Variants in KCNG3 observed in about 807,000 individuals in gnomAD.
KCNG3 encodes the protein potassium voltage-gated channel modifier subfamily G member 3.
Under a neutral mutation model 29.0 loss-of-function variants are expected in KCNG3, and 15 were observed. That is an observed-to-expected ratio of 0.52 (90% CI 0.35 to 0.80). The LOEUF (loss-of-function observed/expected upper bound fraction) is 0.80. Ranked by LOEUF, KCNG3 falls within the 30% of genes least tolerant of loss-of-function variation. KCNG3 has a pLI of 0.01. For synonymous variants in KCNG3, 322 were observed against 248.9 expected (o/e 1.29, Z -2.76); for missense variants, 512 against 605.7 (o/e 0.85, Z 1.62).
chr2:42,480,148 T>C (rs1558387837), intron 1 of KCNG3, among the ~76,000 whole-genome samples: 1 of 152,246 alleles, frequency 6.6e-6, no homozygotes, highest in Non-Finnish European at 1.5e-5. Context: ...GTTCTAATTA[T>C]TGTTTAGTAC....
chr2:42,430,230 T>C, the KCNG3 span, among the ~76,000 whole-genome samples: 2 of 151,354 alleles, frequency 1.3e-5, no homozygotes, highest in African/African-American at 2.4e-5. Flanking sequence ...TAGCTGAGCA[T>C]CATGGTGCAC....
chr2:42,488,703 C>T (rs185278012), intron 1 of KCNG3, among the ~76,000 whole-genome samples: 1 of 152,056 alleles, frequency 6.6e-6, no homozygotes, highest in East Asian at 1.9e-4. Flanking sequence ...TCACCCACCA[C>T]CACGCTCAGC....
chr2:42,469,625 AAAGTT>A (rs1269180596), intron 1 of KCNG3, among the ~76,000 whole-genome samples: 1 of 152,082 alleles, frequency 6.6e-6, no homozygotes, highest in African/African-American at 2.4e-5. Flanking sequence ...TTGAAATGTA[AAAGTT>A]AAGTAAATTA....
intron 1 of KCNG3, among the ~76,000 whole-genome samples, chr2:42,464,971 C>T (rs1238437336): frequency 2.0e-5 from 3 of 151,988 alleles, no homozygotes; most frequent in African/African-American, 4.8e-5. Context: ...CCAGAAAATA[C>T]GTTGCTTGAC....
chr2:42,491,560 G>A (rs530309735), intron 1 of KCNG3, among the ~76,000 whole-genome samples: 1 of 152,000 alleles, frequency 6.6e-6, no homozygotes, highest in South Asian at 2.1e-4. Context: ...TATTGTTGGA[G>A]AACCAAATAA....
At chr2:42,479,326 A>C (rs1441931008) in intron 1 of KCNG3, among the ~76,000 whole-genome samples, 4 of 152,160 alleles carry the variant, frequency 2.6e-5, no homozygotes, top group Middle Eastern at 3.2e-3. Flanking sequence ...TCCAAGGTGG[A>C]GCTCAAGCAT....
chr2:42,433,607 C>T, the KCNG3 span, among the ~76,000 whole-genome samples: 8 of 152,190 alleles, frequency 5.3e-5, no homozygotes, highest in East Asian at 7.7e-4. Flanking sequence ...GGCGTGGTAG[C>T]GCACCCCTGT....
chr2:42,437,560 C>T (rs1200469561), downstream of KCNG3, among the ~76,000 whole-genome samples: 1 of 152,108 alleles, frequency 6.6e-6, no homozygotes, highest in Admixed American at 6.5e-5. Flanking sequence ...CATTTTACTT[C>T]AGAGTGTATA....
rs564466098 is a variant in KCNG3 at position 42,493,083 on chromosome 2, G to T, written c.419C>A (p.Ala140Glu). The T allele has an allele frequency of 1.3e-6, 2 of 1,559,518 alleles. No individual in the cohort carries two copies. The highest frequency in any genetic ancestry group is 2.4e-5 in the East Asian group (1 of 42,096). Reference protein sequence around the residue: ...DEPGVLGRDEARPGGAEAAPS... With the variant: ...DEPGVLGRDEERPGGAEAAPS... ...AGCCGCCTCGGCCCCGCCGGGGCGC[G>T]CCTCGTCGCGGCCCAGCACGCCCGG... Residue 140 changes from alanine to glutamate, a missense_variant, in exon 1 of 2, where the codon GCG becomes GAG. Coordinates refer to ENST00000306078, the MANE Select transcript of KCNG3 (RefSeq NM_133329.6).
intron 1 of KCNG3, among the ~76,000 whole-genome samples, chr2:42,480,755 TC>T (rs1673561427): frequency 8.6e-6 from 1 of 116,318 alleles, no homozygotes; most frequent in Non-Finnish European, 1.7e-5. Flanking sequence ...TGAAACCCCA[TC>T]TTAAAAAAAA....
chr2:42,446,030 G>A (rs1245996964), intron 1 of KCNG3, among the ~76,000 whole-genome samples: 3 of 151,580 alleles, frequency 2.0e-5, no homozygotes, highest in African/African-American at 7.3e-5. Context: ...CCCAGCCAAC[G>A]GGTAGGATTC....
intron 1 of KCNG3, among the ~76,000 whole-genome samples, chr2:42,473,950 G>A (rs1184290574): frequency 6.6e-6 from 1 of 151,822 alleles, no homozygotes; most frequent in Non-Finnish European, 1.5e-5. Flanking sequence ...CCAGGAGTTC[G>A]AGACCAGCCT....
At chr2:42,440,934 T>C (rs1334719596), downstream of KCNG3, among the ~76,000 whole-genome samples, 3 of 152,230 alleles carry the variant, frequency 2.0e-5, no homozygotes, top group African/African-American at 7.2e-5. Flanking sequence ...TTAGGGCTTT[T>C]TTCCTCTTTG....
the KCNG3 span, among the ~76,000 whole-genome samples, chr2:42,396,421 G>GT: frequency 3.3e-5 from 5 of 152,144 alleles, no homozygotes; most frequent in Admixed American, 1.3e-4. Flanking sequence ...TATTTCTTCT[G>GT]TTTTTTCTTT....
At chr2:42,407,325 G>A in the KCNG3 span, among the ~76,000 whole-genome samples, 6 of 152,096 alleles carry the variant, frequency 3.9e-5, no homozygotes, top group East Asian at 3.9e-4. Context: ...ACAGGCGTGC[G>A]CCACCACACC....
chr2:42,409,522 G>A, the KCNG3 span, among the ~76,000 whole-genome samples: 127 of 151,376 alleles, frequency 8.4e-4, 1 homozygote, highest in African/African-American at 3.0e-3. Flanking sequence ...CAGGCAACAC[G>A]GTGAAACCTG....
chr2:42,427,153 C>T, the KCNG3 span, among the ~76,000 whole-genome samples: 1 of 152,136 alleles, frequency 6.6e-6, no homozygotes, highest in African/African-American at 2.4e-5. Flanking sequence ...TGATATAAGG[C>T]TACTTCGATG....
At chr2:42,409,541 A>G in the KCNG3 span, among the ~76,000 whole-genome samples, 1 of 151,172 alleles carries the variant, frequency 6.6e-6, no homozygotes, top group African/African-American at 2.4e-5. Context: ...TGTCTCTACA[A>G]AAAGGTACAA....
the KCNG3 span, among the ~76,000 whole-genome samples, chr2:42,396,301 A>C: frequency 6.6e-6 from 1 of 152,218 alleles, no homozygotes; most frequent in Non-Finnish European, 1.5e-5. Flanking sequence ...ATTTCTTTAA[A>C]ATTTTGTCCA....
Sources: allele counts gnomAD v4.1 joint callset (sites outside exome capture counted in the v4.1 genomes callset), GRCh38; gene constraint gnomAD v4.1.1; transcripts MANE v1.5; gene names NCBI Gene and HGNC (gene_info 2026-07-23, HGNC 2026-07-21).